Variants in NRXN1 observed in about 807,000 individuals in gnomAD.
The protein encoded by NRXN1 is neurexin-1.
Under a neutral mutation model 150.9 loss-of-function variants are expected in NRXN1, and 39 were observed. The ratio of observed to expected loss-of-function variants is 0.26; its 90% confidence interval spans 0.20 to 0.34. The LOEUF (loss-of-function observed/expected upper bound fraction) is 0.34. Ranked by LOEUF, NRXN1 falls within the 10% of genes least tolerant of loss-of-function variation. The pLI, the probability that NRXN1 is intolerant of heterozygous loss-of-function variation, is 1.00. For missense variants in NRXN1, 1,815 were observed against 1,949.9 expected (o/e 0.93, Z 1.30); for synonymous variants, 924 against 757.0 (o/e 1.22, Z -3.62).
chr2:50,153,245 T>C (rs912813473), intron 18 of NRXN1, among the ~76,000 whole-genome samples: 4 of 151,732 alleles, frequency 2.6e-5, no homozygotes, highest in African/African-American at 7.2e-5. Flanking sequence ...AGTTTTTTTC[T>C]TAATTTCTTC....
intron 8 of NRXN1, among the ~76,000 whole-genome samples, chr2:50,610,552 ACTCT>A (rs973600563): frequency 6.9e-6 from 1 of 145,604 alleles, no homozygotes; most frequent in African/African-American, 2.5e-5. Context: ...TATTTGCCCA[ACTCT>A]CTCTCCAGAT....
intron 17 of NRXN1, among the ~76,000 whole-genome samples, chr2:50,406,215 G>T (rs1377436512): frequency 6.6e-6 from 1 of 151,966 alleles, no homozygotes; most frequent in Non-Finnish European, 1.5e-5. Context: ...ACACCTATTG[G>T]GAGAAGACAT....
intron 17 of NRXN1, chr2:50,417,100 A>G (rs891612647): frequency 2.0e-5 from 3 of 152,080 alleles, no homozygotes; most frequent in Non-Finnish European, 1.5e-5. Flanking sequence ...GAGGAAAGAG[A>G]TTGAGACTGA....
chr2:50,201,323 A>T (rs574509133), intron 18 of NRXN1, among the ~76,000 whole-genome samples: 9 of 152,292 alleles, frequency 5.9e-5, no homozygotes, highest in Admixed American at 2.0e-4. Context: ...ACCTTACCTC[A>T]AAATCCATTA....
At chr2:50,943,910 A>C (rs1175473036) in intron 2 of NRXN1, among the ~76,000 whole-genome samples, 1 of 152,320 alleles carries the variant, frequency 6.6e-6, no homozygotes, top group Non-Finnish European at 1.5e-5. Flanking sequence ...ACATTTACTT[A>C]AGAAGCAAAT....
At chr2:50,112,534 A>T (rs941441566) in intron 18 of NRXN1, among the ~76,000 whole-genome samples, 1 of 152,178 alleles carries the variant, frequency 6.6e-6, no homozygotes, top group African/African-American at 2.4e-5. Flanking sequence ...TCTCACTCAA[A>T]TTATTTTTGG....
intron 2 of NRXN1, among the ~76,000 whole-genome samples, chr2:50,957,153 C>T (rs2104650292): frequency 6.6e-6 from 1 of 152,194 alleles, no homozygotes; most frequent in East Asian, 1.9e-4. Context: ...GGGTAAATCC[C>T]TATTCCATGA....
At chr2:50,863,053 A>G (rs1429421455) in intron 5 of NRXN1, among the ~76,000 whole-genome samples, 1 of 152,078 alleles carries the variant, frequency 6.6e-6, no homozygotes, top group Non-Finnish European at 1.5e-5. Flanking sequence ...TATGAAGAAA[A>G]GGATAACAGG....
chr2:50,767,159 C>T (rs1291865037), intron 5 of NRXN1, among the ~76,000 whole-genome samples: 1 of 151,964 alleles, frequency 6.6e-6, no homozygotes, highest in African/African-American at 2.4e-5. Flanking sequence ...AACTACCATA[C>T]CCATGGGGAA....
intron 17 of NRXN1, among the ~76,000 whole-genome samples, chr2:50,314,715 G>T (rs2075452439): frequency 6.6e-6 from 1 of 151,976 alleles, no homozygotes. Context: ...AAATTTAAGA[G>T]AGTAAGAATA....
At chr2:50,666,121 A>G (rs1182061653) in intron 5 of NRXN1, among the ~76,000 whole-genome samples, 1 of 151,960 alleles carries the variant, frequency 6.6e-6, no homozygotes, top group Non-Finnish European at 1.5e-5. Flanking sequence ...TTAGTTTACA[A>G]TTTCTAGAAT....
At chr2:50,985,175 GA>G (rs1298638820) in intron 2 of NRXN1, among the ~76,000 whole-genome samples, 1 of 151,868 alleles carries the variant, frequency 6.6e-6, no homozygotes, top group Non-Finnish European at 1.5e-5. Flanking sequence ...AATTCACATG[GA>G]CAAAAATGCT....
chr2:50,864,608 C>A (rs767086464), intron 5 of NRXN1, among the ~76,000 whole-genome samples: 8 of 151,908 alleles, frequency 5.3e-5, no homozygotes, highest in Non-Finnish European at 1.2e-4. Flanking sequence ...AACCCACAAC[C>A]CCCCATAATA....
intron 17 of NRXN1, among the ~76,000 whole-genome samples, chr2:50,251,402 T>C (rs1272708847): frequency 6.6e-6 from 1 of 152,150 alleles, no homozygotes; most frequent in Non-Finnish European, 1.5e-5. Flanking sequence ...TAGTGTAATG[T>C]ATCACATTTT....
intron 18 of NRXN1, among the ~76,000 whole-genome samples, chr2:50,106,595 C>G (rs1356036423): frequency 6.6e-6 from 1 of 151,926 alleles, no homozygotes; most frequent in Non-Finnish European, 1.5e-5. Flanking sequence ...AAATGTGAAC[C>G]TAGCACAATT....
chr2:50,464,154 A>G (rs2104634468), intron 17 of NRXN1: 1 of 151,916 alleles, frequency 6.6e-6, no homozygotes, highest in Non-Finnish European at 1.5e-5. Flanking sequence ...TTTGGCTTGC[A>G]GAGTGTTCGC....
intron 2 of NRXN1, among the ~76,000 whole-genome samples, chr2:50,999,329 T>C (rs1699735884): frequency 6.6e-6 from 1 of 152,082 alleles, no homozygotes; most frequent in Admixed American, 6.6e-5. Flanking sequence ...TACTCCACAG[T>C]ATGCTTAACA....
intron 5 of NRXN1, among the ~76,000 whole-genome samples, chr2:50,781,038 A>C (rs922518397): frequency 4.6e-5 from 7 of 152,194 alleles, no homozygotes; most frequent in Admixed American, 2.0e-4. Flanking sequence ...ACAAAATTCC[A>C]GAATCCTAGG....
chr2:50,844,899 G>A (rs1209144697), intron 5 of NRXN1, among the ~76,000 whole-genome samples: 2 of 151,924 alleles, frequency 1.3e-5, no homozygotes, highest in Non-Finnish European at 2.9e-5. Flanking sequence ...TGTTGTTCAG[G>A]CTGGAGTGCA....
Sources: gnomAD v4.1 joint callset for allele counts (sites outside exome capture counted in the v4.1 genomes callset) on GRCh38, gnomAD v4.1.1 for gene constraint, MANE v1.5 for transcripts, NCBI Gene and HGNC (gene_info 2026-07-23, HGNC 2026-07-21) for gene names.